ANXA4: variants seen among roughly 807,000 people sequenced by gnomAD.
ANXA4 encodes the protein annexin A4, also known as 35-beta calcimedin.
ANXA4 carries 39 observed loss-of-function variants against 49.8 expected under a neutral mutation model. The observed-to-expected ratio is 0.78, with a 90% CI of 0.61 to 1.02. The LOEUF (loss-of-function observed/expected upper bound fraction) is 1.02, where lower values mean the gene tolerates loss of function less well. ANXA4 is among the 50% of genes least tolerant of loss of function. ANXA4 has a pLI of 0.00. For synonymous variants in ANXA4, 134 were observed against 152.5 expected (o/e 0.88, Z 0.89); for missense variants, 360 against 410.1 (o/e 0.88, Z 1.05).
intron 3 of ANXA4, among the ~76,000 whole-genome samples, chr2:69,794,566 T>C (rs1434705978): frequency 7.1e-6 from 1 of 140,208 alleles, no homozygotes; most frequent in African/African-American, 2.6e-5. Context: ...TGTTATGTTA[T>C]GTTATGTTAT....
chr2:69,825,066 C>CAAA (rs10565929), intron 12 of ANXA4, among the ~76,000 whole-genome samples: 15 of 52,792 alleles, frequency 2.8e-4, no homozygotes, highest in African/African-American at 8.2e-4. Context: ...GACTCTGTCT[C>CAAA]AAAAAAAAAA....
chr2:69,677,697 G>T (rs770608605), intron 2 of ANXA4, among the ~76,000 whole-genome samples: 1 of 152,200 alleles, frequency 6.6e-6, no homozygotes, highest in Non-Finnish European at 1.5e-5. Flanking sequence ...GAGACTGGAA[G>T]AGCCTCAGAA....
chr2:69,706,023 A>G (rs1678483337), intron 2 of ANXA4, among the ~76,000 whole-genome samples: 2 of 151,948 alleles, frequency 1.3e-5, no homozygotes, highest in Admixed American at 1.3e-4. Context: ...TAAAAAATAT[A>G]TATATCTGTG....
intron 1 of ANXA4, among the ~76,000 whole-genome samples, chr2:69,766,565 T>TCC (rs1412525279): frequency 6.6e-6 from 1 of 152,148 alleles, no homozygotes; most frequent in Non-Finnish European, 1.5e-5. Context: ...GATGGGGTGG[T>TCC]CATTGAAGGA....
At chr2:69,718,618 G>A (rs1475955425) in intron 2 of ANXA4, among the ~76,000 whole-genome samples, 2 of 152,034 alleles carry the variant, frequency 1.3e-5, no homozygotes, top group African/African-American at 2.4e-5. Flanking sequence ...GTGCTTTGGG[G>A]TTTCCTTCTC....
At chr2:69,745,973 T>TA (rs1484056630) in intron 1 of ANXA4, among the ~76,000 whole-genome samples, 2 of 152,252 alleles carry the variant, frequency 1.3e-5, no homozygotes, top group Non-Finnish European at 2.9e-5. Context: ...TGGTAAATGC[T>TA]AAAACCTTCC....
At chr2:69,665,499 C>T (rs528313328) in intron 2 of ANXA4, among the ~76,000 whole-genome samples, 14 of 152,180 alleles carry the variant, frequency 9.2e-5, no homozygotes, top group South Asian at 4.1e-4. Context: ...TCTGCCTGGG[C>T]GACAGAGTGA....
chr2:69,681,606 A>G (rs1663579419), intron 2 of ANXA4, among the ~76,000 whole-genome samples: 1 of 152,130 alleles, frequency 6.6e-6, no homozygotes. Flanking sequence ...TGCTGGGATT[A>G]CAGGCATGAG....
At chr2:69,679,219 C>T (rs913217174) in intron 2 of ANXA4, among the ~76,000 whole-genome samples, 18 of 152,166 alleles carry the variant, frequency 1.2e-4, no homozygotes, top group African/African-American at 4.1e-4. Context: ...TCATTGCAGC[C>T]TCAACCTCCT....
chr2:69,737,197 T>G (rs1670267742), upstream of ANXA4, among the ~76,000 whole-genome samples: 1 of 152,258 alleles, frequency 6.6e-6, no homozygotes, highest in Non-Finnish European at 1.5e-5. Flanking sequence ...GGATCCTTTA[T>G]GTGAAACCTT....
At chr2:69,703,821 C>T (rs1678406664) in intron 2 of ANXA4, among the ~76,000 whole-genome samples, 3 of 151,828 alleles carry the variant, frequency 2.0e-5, no homozygotes, top group Non-Finnish European at 4.4e-5. Context: ...ATTTTTTTCA[C>T]TTATTTACTT....
chr2:69,673,693 C>CAA (rs1402506065), intron 2 of ANXA4, among the ~76,000 whole-genome samples: 83 of 142,184 alleles, frequency 5.8e-4, no homozygotes, highest in African/African-American at 2.3e-3. Context: ...CAAAGACACA[C>CAA]ACACACACAC....
chr2:69,677,269 T>G (rs1271703436), intron 2 of ANXA4, among the ~76,000 whole-genome samples: 6 of 152,166 alleles, frequency 3.9e-5, no homozygotes, highest in Non-Finnish European at 1.5e-5. Flanking sequence ...CTCACTCTGT[T>G]GCCCAGACTG....
intron 2 of ANXA4, among the ~76,000 whole-genome samples, chr2:69,664,912 G>A (rs754963497): frequency 2.0e-5 from 3 of 152,228 alleles, no homozygotes; most frequent in Non-Finnish European, 4.4e-5. Flanking sequence ...AGACCAGCCC[G>A]GCCAACACGG....
intron 5 of ANXA4, among the ~76,000 whole-genome samples, chr2:69,806,828 CTG>C (rs1241415311): frequency 6.6e-6 from 1 of 152,076 alleles, no homozygotes. Flanking sequence ...ACAACACACA[CTG>C]GGGCCTGTTG....
chr2:69,809,118 A>G (rs1264095499), intron 6 of ANXA4: 1 of 152,112 alleles, frequency 6.6e-6, no homozygotes, highest in African/African-American at 2.4e-5. Flanking sequence ...CATGTGGGGG[A>G]AAATGAGGAA....
At chr2:69,754,711 T>TA (rs1423583058) in intron 1 of ANXA4, among the ~76,000 whole-genome samples, 1 of 152,226 alleles carries the variant, frequency 6.6e-6, no homozygotes, top group Non-Finnish European at 1.5e-5. Flanking sequence ...GAACAAATGA[T>TA]ACTGATCTGG....
chr2:69,712,722 G>A (rs1488976333), intron 2 of ANXA4, among the ~76,000 whole-genome samples: 1 of 152,198 alleles, frequency 6.6e-6, no homozygotes, highest in African/African-American at 2.4e-5. Flanking sequence ...AAGAACTGGA[G>A]GACCAACATT....
At chr2:69,712,754 G>C (rs1271265648) in intron 2 of ANXA4, among the ~76,000 whole-genome samples, 1 of 152,158 alleles carries the variant, frequency 6.6e-6, no homozygotes, top group African/African-American at 2.4e-5. Context: ...CTCCCATTTG[G>C]CATTTTGTTT....
Sources: gnomAD v4.1 joint callset for allele counts (sites outside exome capture counted in the v4.1 genomes callset) on GRCh38, gnomAD v4.1.1 for gene constraint, MANE v1.5 for transcripts, NCBI Gene and HGNC (gene_info 2026-07-23, HGNC 2026-07-21) for gene names.